The following CHCHD3 variants were observed in gnomAD, a reference collection of about 807,000 sequenced individuals.
CHCHD3 encodes coiled-coil-helix-coiled-coil-helix domain containing 3.
CHCHD3 carries 20 observed loss-of-function variants against 38.2 expected under a neutral mutation model. That is an observed-to-expected ratio of 0.52 (90% confidence interval 0.37 to 0.76). CHCHD3 has a LOEUF of 0.76. Among genes scored for constraint, CHCHD3 ranks in the 30% least tolerant of loss-of-function variants. The pLI is 0.00. For synonymous variants in CHCHD3, 82 were observed against 100.0 expected, an observed-to-expected ratio of 0.82 and a Z score of 1.07; for missense variants, 245 against 279.2, an observed-to-expected ratio of 0.88 and a Z score of 0.87.
intron 5 of CHCHD3, among the ~76,000 whole-genome samples, chr7:132,876,808 T>A (rs556950732): frequency 6.6e-6 from 1 of 152,296 alleles, no homozygotes; most frequent in South Asian, 2.1e-4. Flanking sequence ...AGGATTAATA[T>A]GAAAGCAAGA....
intron 5 of CHCHD3, among the ~76,000 whole-genome samples, chr7:132,839,244 A>T (rs1807878335): frequency 6.6e-6 from 1 of 152,128 alleles, no homozygotes; most frequent in Non-Finnish European, 1.5e-5. Context: ...TATCATTTCC[A>T]CGTGACCACA....
At chr7:133,064,229 T>TC (rs1369243411) in intron 2 of CHCHD3, among the ~76,000 whole-genome samples, 1 of 152,218 alleles carries the variant, frequency 6.6e-6, no homozygotes, top group African/African-American at 2.4e-5. Flanking sequence ...AACCATGAGT[T>TC]CTTCAACCCT....
chr7:132,942,660 A>G (rs1045884735), intron 4 of CHCHD3, among the ~76,000 whole-genome samples: 11 of 152,218 alleles, frequency 7.2e-5, no homozygotes, highest in Non-Finnish European at 1.6e-4. Flanking sequence ...GCTAAAAATA[A>G]TATGATGGGA....
intron 4 of CHCHD3, among the ~76,000 whole-genome samples, chr7:132,887,679 AAAT>A (rs1207806294): frequency 6.6e-6 from 1 of 151,704 alleles, no homozygotes; most frequent in African/African-American, 2.4e-5. Flanking sequence ...CGAAAAATAC[AAAT>A]AATAAACACA....
At chr7:132,973,778 G>C in intron 4 of CHCHD3, 3 of 1,085,300 alleles carry the variant, frequency 2.8e-6, no homozygotes, top group Non-Finnish European at 3.4e-6. Flanking sequence ...GGAGAGACTA[G>C]AAATGAGCCT....
intron 6 of CHCHD3, among the ~76,000 whole-genome samples, chr7:132,820,323 A>T (rs1387853418): frequency 6.6e-6 from 1 of 152,212 alleles, no homozygotes; most frequent in Non-Finnish European, 1.5e-5. Context: ...CAAAGGTTGT[A>T]AGTAAGCTTA....
intron 2 of CHCHD3, among the ~76,000 whole-genome samples, chr7:133,051,830 T>A (rs1045595472): frequency 5.3e-5 from 8 of 152,172 alleles, no homozygotes; most frequent in Admixed American, 5.2e-4. Flanking sequence ...AAATGTTTTG[T>A]CCAAGTATAA....
intron 4 of CHCHD3, among the ~76,000 whole-genome samples, chr7:132,939,219 T>C (rs1246765508): frequency 6.6e-6 from 1 of 152,124 alleles, no homozygotes; most frequent in Admixed American, 6.5e-5. Flanking sequence ...AAGCTTAATT[T>C]AGCATAACTT....
chr7:132,909,406 G>A (rs1032483824), intron 4 of CHCHD3, among the ~76,000 whole-genome samples: 5 of 152,084 alleles, frequency 3.3e-5, no homozygotes, highest in African/African-American at 9.7e-5. Flanking sequence ...CAGGAGAATC[G>A]CTTGAACCCA....
At chr7:133,034,817 G>C (rs1382136036) in intron 2 of CHCHD3, 2 of 1,611,646 alleles carry the variant, frequency 1.2e-6, no homozygotes, top group Admixed American at 1.7e-5. Context: ...AAATGGAGCT[G>C]CTATTGTTGG....
intron 5 of CHCHD3, among the ~76,000 whole-genome samples, chr7:132,852,400 T>C (rs182282185): frequency 1.3e-5 from 2 of 152,280 alleles, no homozygotes; most frequent in African/African-American, 2.4e-5. Flanking sequence ...AAGAGCTCCA[T>C]ATTACAGTGT....
chr7:133,068,164 C>T (rs1814726227), intron 2 of CHCHD3, among the ~76,000 whole-genome samples: 1 of 151,380 alleles, frequency 6.6e-6, no homozygotes, highest in Admixed American at 6.6e-5. Context: ...ATAATAGAAA[C>T]ATTCAATATA....
chr7:133,048,795 T>C (rs1814067810), intron 2 of CHCHD3, among the ~76,000 whole-genome samples: 1 of 151,942 alleles, frequency 6.6e-6, no homozygotes, highest in African/African-American at 2.4e-5. Context: ...GATATATAAA[T>C]CCACAAAGTG....
chr7:132,839,100 G>A (rs1807873869), intron 5 of CHCHD3, among the ~76,000 whole-genome samples: 2 of 151,988 alleles, frequency 1.3e-5, no homozygotes, highest in African/African-American at 2.4e-5. Context: ...GCTGAGGCAG[G>A]AGAATCGCTT....
chr7:132,905,732 G>A lies in CHCHD3; in HGVS notation c.370-19987C>T, dbSNP rs143347823. ...CTCCTGCCACCACATACACAGAGAC[G>A]TATTTAAAAGCATGTATTAACCGTC... On this transcript the variant is annotated intron_variant, in intron 4 of 7. Coordinates refer to ENST00000262570, the MANE Select transcript of CHCHD3 (RefSeq NM_017812.4). Among the ~76,000 whole-genome samples, 195 of 152,214 alleles carry A rather than the reference G, an allele frequency of 1.3e-3. No individual in the cohort carries two copies. The Middle Eastern group carries it at 0.031, about 24-fold the overall frequency.
At chr7:132,953,429 C>T (rs561630402) in intron 4 of CHCHD3, among the ~76,000 whole-genome samples, 1 of 152,304 alleles carries the variant, frequency 6.6e-6, no homozygotes, top group East Asian at 1.9e-4. Context: ...CATAACAGAA[C>T]AGATCTGACC....
At chr7:132,932,632 A>G (rs1041186030) in intron 4 of CHCHD3, among the ~76,000 whole-genome samples, 4 of 152,228 alleles carry the variant, frequency 2.6e-5, no homozygotes, top group Non-Finnish European at 5.9e-5. Flanking sequence ...CGTCAAAGGC[A>G]GACCACTGAT....
chr7:133,067,244 C>CA (rs1256982888), intron 2 of CHCHD3, among the ~76,000 whole-genome samples: 2 of 151,968 alleles, frequency 1.3e-5, no homozygotes, highest in Non-Finnish European at 2.9e-5. Flanking sequence ...TCATGATCAT[C>CA]ACGCTAACTC....
At chr7:132,812,144 G>A (rs567293389) in intron 6 of CHCHD3, among the ~76,000 whole-genome samples, 35 of 147,814 alleles carry the variant, frequency 2.4e-4, no homozygotes, top group African/African-American at 7.3e-4. Context: ...ATTCTGTCAC[G>A]TAGTCTAGTC....
Sources: gnomAD v4.1 joint callset for allele counts (sites outside exome capture counted in the v4.1 genomes callset) on GRCh38, gnomAD v4.1.1 for gene constraint, MANE v1.5 for transcripts, NCBI Gene and HGNC (gene_info 2026-07-23, HGNC 2026-07-21) for gene names.